EPHA3: variants seen among roughly 807,000 people sequenced by gnomAD.
The protein encoded by EPHA3 is ephrin type-A receptor 3.
A neutral mutation model predicts 107.1 loss-of-function variants in EPHA3; 42 were observed. The observed-to-expected ratio is 0.39, with a 90% CI of 0.31 to 0.51. The LOEUF is 0.51. Ranked by LOEUF, EPHA3 falls within the 20% of genes least tolerant of loss-of-function variation. EPHA3 has a pLI of 0.78. For synonymous variants in EPHA3, 461 were observed against 424.8 expected (o/e 1.09, Z -1.05); for missense variants, 1,183 against 1,211.2 (o/e 0.98, Z 0.35).
At chr3:89,346,993 C>T (rs1478187928) in intron 5 of EPHA3, among the ~76,000 whole-genome samples, 1 of 143,272 alleles carries the variant, frequency 7.0e-6, no homozygotes, top group African/African-American at 2.6e-5. Context: ...GTTTTGGTAC[C>T]AGTACCATGC....
chr3:89,209,727 A>G (rs1706221605), intron 2 of EPHA3, 133 bp from the exon 3 acceptor site: 3 of 766,544 alleles, frequency 3.9e-6, no homozygotes, highest in Non-Finnish European at 5.9e-6. Context: ...CCTTGCAAAT[A>G]AAAACTACAA....
At chr3:89,334,347 G>A (rs929774593) in intron 3 of EPHA3, among the ~76,000 whole-genome samples, 18 of 152,080 alleles carry the variant, frequency 1.2e-4, no homozygotes, top group African/African-American at 4.3e-4. Context: ...TTGTTCTGTT[G>A]CCATATGGCA....
intron 3 of EPHA3, among the ~76,000 whole-genome samples, chr3:89,337,704 T>C (rs921649535): frequency 2.0e-5 from 3 of 152,220 alleles, no homozygotes; most frequent in Non-Finnish European, 2.9e-5. Flanking sequence ...CACATACAGA[T>C]CAATGTGATT....
At chr3:89,449,617 CGT>C (rs1559700506) in intron 14 of EPHA3, among the ~76,000 whole-genome samples, 1 of 152,028 alleles carries the variant, frequency 6.6e-6, no homozygotes, top group Non-Finnish European at 1.5e-5. Context: ...GTAGTGAAAA[CGT>C]AATGAAAAAA....
chr3:89,273,662 A>G (rs1354796220), intron 3 of EPHA3, among the ~76,000 whole-genome samples: 1 of 151,838 alleles, frequency 6.6e-6, no homozygotes, highest in Non-Finnish European at 1.5e-5. Flanking sequence ...ATACAAGTTT[A>G]GCTTCCTGAG....
chr3:89,109,253 A>C (rs1252887657), intron 1 of EPHA3, among the ~76,000 whole-genome samples: 1 of 152,122 alleles, frequency 6.6e-6, no homozygotes, highest in African/African-American at 2.4e-5. Flanking sequence ...TTTATTTTAC[A>C]AACCAAATTA....
intron 2 of EPHA3, among the ~76,000 whole-genome samples, chr3:89,199,200 T>C (rs1184990305): frequency 6.6e-6 from 1 of 152,166 alleles, no homozygotes; most frequent in African/African-American, 2.4e-5. Context: ...TTGAATATAT[T>C]AATGATTTAT....
At chr3:89,160,115 T>G (rs1704897419) in intron 2 of EPHA3, among the ~76,000 whole-genome samples, 1 of 152,118 alleles carries the variant, frequency 6.6e-6, no homozygotes, top group South Asian at 2.1e-4. Flanking sequence ...TGGTAATCAA[T>G]TTCCTTACAT....
chr3:89,254,283 C>T (rs935952125), intron 3 of EPHA3, among the ~76,000 whole-genome samples: 1 of 152,152 alleles, frequency 6.6e-6, no homozygotes, highest in African/African-American at 2.4e-5. Flanking sequence ...CCTGAAATCA[C>T]TTTACTCTGC....
chr3:89,118,133 T>C lies in EPHA3; in HGVS notation c.89-9076T>C, dbSNP rs554183609. ...ATAGATAATTTAATACTCATTTACA[T>C]TCGATAACTCAAAAAGATAAACTTA... On this transcript the variant is annotated intron_variant, in intron 1 of 16. Transcript: ENST00000336596. Among the ~76,000 whole-genome samples, 8 of 152,128 alleles carry C rather than the reference T, an allele frequency of 5.3e-5. No homozygotes were observed. The East Asian group carries it at 1.5e-3, about 29-fold the overall frequency.
At chr3:89,133,004 A>T (rs950864623) in intron 2 of EPHA3, among the ~76,000 whole-genome samples, 2 of 152,212 alleles carry the variant, frequency 1.3e-5, no homozygotes, top group African/African-American at 4.8e-5. Flanking sequence ...AGCAACTGAA[A>T]TATTTCTATG....
chr3:89,160,327 C>T (rs1345895822), intron 2 of EPHA3, among the ~76,000 whole-genome samples: 26 of 151,916 alleles, frequency 1.7e-4, no homozygotes, highest in Admixed American at 1.7e-3. Flanking sequence ...AGCAGTGTAG[C>T]ATATCTTGTT....
chr3:89,158,447 T>A (rs1235380108), intron 2 of EPHA3, among the ~76,000 whole-genome samples: 1 of 152,102 alleles, frequency 6.6e-6, no homozygotes, highest in East Asian at 1.9e-4. Context: ...TGAAAGAATA[T>A]GCAAAGTATT....
At chr3:89,194,804 A>G (rs1287338662) in intron 2 of EPHA3, among the ~76,000 whole-genome samples, 1 of 152,052 alleles carries the variant, frequency 6.6e-6, no homozygotes, top group Non-Finnish European at 1.5e-5. Flanking sequence ...CAACTCTGAC[A>G]TTGTTTTTCC....
chr3:89,307,366 T>C (rs1227204807), intron 3 of EPHA3, among the ~76,000 whole-genome samples: 2 of 151,990 alleles, frequency 1.3e-5, no homozygotes, highest in South Asian at 4.1e-4. Flanking sequence ...TCAAAACCCA[T>C]GAAATAAATT....
chr3:89,287,737 T>G (rs949241582), intron 3 of EPHA3, among the ~76,000 whole-genome samples: 4 of 152,112 alleles, frequency 2.6e-5, no homozygotes, highest in Non-Finnish European at 5.9e-5. Flanking sequence ...GTCAACACTC[T>G]TATCTACAGA....
At chr3:89,198,844 C>T (rs1705904360) in intron 2 of EPHA3, among the ~76,000 whole-genome samples, 1 of 152,114 alleles carries the variant, frequency 6.6e-6, no homozygotes, top group South Asian at 2.1e-4. Flanking sequence ...ACTGCTGTCA[C>T]TGTTATGCAT....
intron 3 of EPHA3, among the ~76,000 whole-genome samples, chr3:89,290,090 T>A (rs990992738): frequency 6.6e-6 from 1 of 152,130 alleles, no homozygotes; most frequent in Non-Finnish European, 1.5e-5. Context: ...TGCCAACAGC[T>A]TCTTGTTGGA....
intron 7 of EPHA3, among the ~76,000 whole-genome samples, chr3:89,402,313 G>A (rs572669545): frequency 2.0e-5 from 3 of 152,202 alleles, no homozygotes; most frequent in East Asian, 3.9e-4. Flanking sequence ...CATTGATTGA[G>A]AGAGAGAAGA....
Sources: allele counts gnomAD v4.1 joint callset (sites outside exome capture counted in the v4.1 genomes callset), GRCh38; gene constraint gnomAD v4.1.1; transcripts MANE v1.5; gene names NCBI Gene and HGNC (gene_info 2026-07-23, HGNC 2026-07-21).